Variants in SLC16A12 observed in about 807,000 individuals in gnomAD.
SLC16A12 encodes monocarboxylate transporter 12.
Under a neutral mutation model 42.4 loss-of-function variants are expected in SLC16A12, and 17 were observed. The ratio of observed to expected loss-of-function variants is 0.40; its 90% CI spans 0.27 to 0.60. SLC16A12 has a LOEUF of 0.60. SLC16A12 is among the 20% of genes least tolerant of loss of function. The pLI, the probability that SLC16A12 is intolerant of heterozygous loss-of-function variation, is 0.42. For synonymous variants in SLC16A12, 224 were observed against 229.4 expected (o/e 0.98, Z 0.21); for missense variants, 544 against 623.0 (o/e 0.87, Z 1.35).
At chr10:89,531,276 G>C (rs1422176051) in intron 2 of SLC16A12, among the ~76,000 whole-genome samples, 1 of 151,988 alleles carries the variant, frequency 6.6e-6, no homozygotes, top group Non-Finnish European at 1.5e-5. Flanking sequence ...GTGGATGCCT[G>C]TAATCCCAGC....
chr10:89,541,677 G>A (rs543272425), intron 2 of SLC16A12, among the ~76,000 whole-genome samples: 3 of 152,342 alleles, frequency 2.0e-5, no homozygotes, highest in African/African-American at 7.2e-5. Flanking sequence ...CTGCGCTACT[G>A]ATATTTTAGG....
intron 2 of SLC16A12, among the ~76,000 whole-genome samples, chr10:89,513,097 G>A (rs1843190412): frequency 6.6e-6 from 1 of 152,064 alleles, no homozygotes; most frequent in African/African-American, 2.4e-5. Flanking sequence ...TTCCTATTGA[G>A]TACTTAATGA....
intron 2 of SLC16A12, among the ~76,000 whole-genome samples, chr10:89,530,930 TTGTATC>T (rs1843541294): frequency 6.6e-6 from 1 of 152,200 alleles, no homozygotes; most frequent in African/African-American, 2.4e-5. Flanking sequence ...CATGTGGTCT[TTGTATC>T]TGGCTTCTTT....
intron 2 of SLC16A12, among the ~76,000 whole-genome samples, chr10:89,554,107 G>GGAAA (rs1843792490): frequency 1.6e-5 from 2 of 125,916 alleles, no homozygotes; most frequent in African/African-American, 3.1e-5. Context: ...AAAGAAGGAA[G>GGAAA]GAAGGAAGGA....
At chr10:89,503,369 C>G (rs1347661809) in intron 2 of SLC16A12, among the ~76,000 whole-genome samples, 1 of 152,136 alleles carries the variant, frequency 6.6e-6, no homozygotes, top group Non-Finnish European at 1.5e-5. Context: ...GCCCTTTAAT[C>G]CATAGTTGCT....
intron 3 of SLC16A12, among the ~76,000 whole-genome samples, chr10:89,449,046 A>T (rs990282842): frequency 6.6e-6 from 1 of 152,226 alleles, no homozygotes; most frequent in Non-Finnish European, 1.5e-5. Context: ...AATCCAACTT[A>T]TAAGGGATGT....
At position 89,432,095 on chromosome 10, in the gene SLC16A12, C is replaced by T. The variant is rs935332123; in HGVS notation, c.*969G>A. ...ACCTGCTGATTCAAGAATTCAGTTC[C>T]TGCCCAATTGGAATACTGCCAACAT... On this transcript the variant is annotated 3_prime_UTR_variant, in exon 8 of 8. Coordinates refer to ENST00000371790, the MANE Select transcript of SLC16A12 (RefSeq NM_213606.4). 6.6e-6 allele frequency: 1 copy of T among 152,660 alleles called. No homozygotes were observed. The highest frequency in any genetic ancestry group is 1.5e-5 in the Non-Finnish European group (1 of 68,044). The allele number at this position is 152,660 out of a possible 1,614,324, so 9.5% of individuals were successfully genotyped here. A position where few individuals can be genotyped will look rare whatever the true frequency, so the allele number is the denominator to read the frequency against.
intron 2 of SLC16A12, among the ~76,000 whole-genome samples, chr10:89,476,890 C>A (rs953226336): frequency 6.6e-6 from 1 of 152,232 alleles, no homozygotes; most frequent in Non-Finnish European, 1.5e-5. Flanking sequence ...CCACAGTCTG[C>A]CCCACATCAC....
At chr10:89,462,285 T>C in intron 3 of SLC16A12, 94 bp downstream of exon 3, 3 of 1,549,282 alleles carry the variant, frequency 1.9e-6, no homozygotes, top group Non-Finnish European at 2.6e-6. Context: ...CACACATATC[T>C]TCACAATGAT....
chr10:89,552,527 T>A (rs1344937992), intron 2 of SLC16A12, among the ~76,000 whole-genome samples: 2 of 151,998 alleles, frequency 1.3e-5, no homozygotes, highest in Non-Finnish European at 2.9e-5. Flanking sequence ...GAGGTGGACG[T>A]GTGAGAGGGG....
At chr10:89,481,083 C>G (rs1262927017) in intron 2 of SLC16A12, among the ~76,000 whole-genome samples, 1 of 152,102 alleles carries the variant, frequency 6.6e-6, no homozygotes, top group East Asian at 1.9e-4. Flanking sequence ...ACTGTATCAG[C>G]ACACAAAAAT....
intron 2 of SLC16A12, among the ~76,000 whole-genome samples, chr10:89,504,804 A>G (rs984692169): frequency 2.6e-5 from 4 of 152,272 alleles, no homozygotes; most frequent in Middle Eastern, 3.4e-3. Context: ...GCCTGATTAC[A>G]ATGTTTCTAG....
At chr10:89,451,020 C>G (rs1842088447) in intron 3 of SLC16A12, among the ~76,000 whole-genome samples, 1 of 152,174 alleles carries the variant, frequency 6.6e-6, no homozygotes. Context: ...TAGTTTGCAT[C>G]ACTGTGCAAC....
At chr10:89,441,006 T>A in intron 5 of SLC16A12, 102 bp downstream of exon 5, 1 of 1,440,884 alleles carries the variant, frequency 6.9e-7, no homozygotes, top group Non-Finnish European at 9.7e-7. Flanking sequence ...AACTAAATTA[T>A]GCATCTAACA....
At chr10:89,456,650 A>G (rs932447898) in intron 3 of SLC16A12, among the ~76,000 whole-genome samples, 1 of 152,058 alleles carries the variant, frequency 6.6e-6, no homozygotes, top group Non-Finnish European at 1.5e-5. Flanking sequence ...CCATCACCTA[A>G]GTATTAAGCC....
chr10:89,487,646 C>CAA (rs761297191), intron 2 of SLC16A12, among the ~76,000 whole-genome samples: 5,659 of 106,280 alleles, frequency 0.053, 436 homozygotes, highest in African/African-American at 0.17. Flanking sequence ...ACTAAAAATA[C>CAA]AAAAAAAAAA....
intron 3 of SLC16A12, among the ~76,000 whole-genome samples, chr10:89,454,113 G>A (rs964389140): frequency 6.6e-6 from 1 of 151,738 alleles, no homozygotes; most frequent in Non-Finnish European, 1.5e-5. Context: ...TGACCTCCCG[G>A]GCTCAAGCGA....
intron 2 of SLC16A12, among the ~76,000 whole-genome samples, chr10:89,548,977 T>A (rs1277871874): frequency 6.6e-6 from 1 of 152,178 alleles, no homozygotes; most frequent in Non-Finnish European, 1.5e-5. Context: ...CAGGACCTGC[T>A]CGCAGCAGGA....
chr10:89,440,072 T>TAAAA (rs1841880196), intron 5 of SLC16A12, among the ~76,000 whole-genome samples: 1 of 18,884 alleles, frequency 5.3e-5, no homozygotes, highest in Non-Finnish European at 1.5e-4. Context: ...AGACCCTGTC[T>TAAAA]CAAAAAAAAA....
Sources: gnomAD v4.1 joint callset for allele counts (sites outside exome capture counted in the v4.1 genomes callset) on GRCh38, gnomAD v4.1.1 for gene constraint, MANE v1.5 for transcripts, NCBI Gene and HGNC (gene_info 2026-07-23, HGNC 2026-07-21) for gene names.